The following COL4A4 variants were observed in gnomAD, a reference collection of about 807,000 sequenced individuals.
COL4A4 encodes collagen type IV alpha 4 chain.
COL4A4 carries 105 observed loss-of-function variants against 192.9 expected under a neutral mutation model. The observed-to-expected ratio is 0.54, with a 90% CI of 0.46 to 0.64. The LOEUF is 0.64. Among genes scored for constraint, COL4A4 ranks in the 30% least tolerant of loss-of-function variants. The probability of loss-of-function intolerance (pLI) is 0.00; values close to 1 mark genes in which losing one functional copy is unlikely to be tolerated. For missense variants in COL4A4, 1,967 were observed against 2,169.3 expected, an observed-to-expected ratio of 0.91 and a Z score of 1.85; for synonymous variants, 762 against 769.9, an observed-to-expected ratio of 0.99 and a Z score of 0.17.
chr2:227,129,689 A>C (rs2062311662), intron 4 of COL4A4, among the ~76,000 whole-genome samples: 1 of 152,142 alleles, frequency 6.6e-6, no homozygotes, highest in African/African-American at 2.4e-5. Flanking sequence ...GATTACAGGC[A>C]TGAGCCACTG....
At chr2:227,038,766 C>T (rs1559469384) in intron 37 of COL4A4, among the ~76,000 whole-genome samples, 1 of 152,272 alleles carries the variant, frequency 6.6e-6, no homozygotes, top group Admixed American at 6.5e-5. Flanking sequence ...TAATCAGTCC[C>T]CTTGACTTAG....
chr2:227,003,609 C>T lies in COL4A4; in HGVS notation c.*3716G>A, dbSNP rs568188244. 1.3e-5 allele frequency: 2 copies of T among 152,292 alleles called. No individual in the cohort carries two copies. The highest frequency in any genetic ancestry group is 3.9e-4 in the East Asian group (2 of 5,178). 9.4% of individuals were successfully genotyped at this position (152,292 alleles called of 1,614,324 possible). On this transcript the variant is annotated 3_prime_UTR_variant, in exon 48 of 48. Transcript: ENST00000396625. ...GCTTTACTGTAATCTACACGAGGTT[C>T]AAAATAAGATGATAAAGCCCAATTG... is the stretch of plus-strand genomic sequence containing the variant.
At chr2:227,070,722 G>C (rs1453719978) in intron 25 of COL4A4, among the ~76,000 whole-genome samples, 2 of 130,292 alleles carry the variant, frequency 1.5e-5, no homozygotes, top group Non-Finnish European at 3.3e-5. Flanking sequence ...ACTGTTGTGG[G>C]GTGGGGGGAG....
At chr2:226,999,434 C>T (rs905907905), downstream of COL4A4, among the ~76,000 whole-genome samples, 5 of 152,150 alleles carry the variant, frequency 3.3e-5, no homozygotes, top group Non-Finnish European at 2.9e-5. Context: ...GCTCAAGATT[C>T]CCACACGACC....
chr2:227,058,657 C>T (rs1474984137), intron 28 of COL4A4, among the ~76,000 whole-genome samples: 1 of 152,172 alleles, frequency 6.6e-6, no homozygotes, highest in East Asian at 1.9e-4. Context: ...CTGTGGTTCA[C>T]ATCTTGATCA....
chr2:227,132,791 CA>C (rs76837584), intron 4 of COL4A4, among the ~76,000 whole-genome samples: 3 of 151,604 alleles, frequency 2.0e-5, no homozygotes, highest in Non-Finnish European at 4.4e-5. Context: ...AAAAAATAAA[CA>C]AAAAAAAGAT....
In COL4A4 at chr2:227,012,192, G is replaced by C. The variant is rs192942886; in HGVS notation, c.4322C>G (p.Pro1441Arg). 4.3e-6 allele frequency: 7 copies of C among 1,613,156 alleles called. No homozygotes were observed. Among genetic ancestry groups the C allele is most frequent in the Non-Finnish European group, 5.9e-6 (7 of 1,179,262 alleles). ...RKGDTGEDGY[P>R]GGPGPPGPIG... ...GACTGAAACTCTACCTGGTCCTCCA[G>C]GGTAGCCGTCTTCTCCTGTGTCACC... The change falls in exon 45 of 48, where the codon CCT becomes CGT. Residue 1441 changes from proline (P) to arginine (R), a missense_variant. Pro to Arg is a moderately radical substitution (Grantham distance 103, BLOSUM62 -2). Coordinates refer to ENST00000396625, the MANE Select transcript of COL4A4 (RefSeq NM_000092.5).
chr2:227,020,633 C>T (rs1965816562), intron 44 of COL4A4, among the ~76,000 whole-genome samples: 1 of 151,910 alleles, frequency 6.6e-6, no homozygotes, highest in Admixed American at 6.6e-5. Context: ...TTCCTGTGTC[C>T]CTGAACCAAA....
intron 25 of COL4A4, among the ~76,000 whole-genome samples, chr2:227,066,068 C>T (rs558573384): frequency 6.0e-4 from 91 of 152,170 alleles, no homozygotes; most frequent in African/African-American, 2.0e-3. Flanking sequence ...TCGAGAACTA[C>T]GTGAAGAATG....
chr2:227,007,102 A>T lies in COL4A4; in HGVS notation c.*223T>A. The T allele has an allele frequency of 1.5e-6, 1 of 647,684 alleles. No individual in the cohort carries two copies. Among genetic ancestry groups the T allele is most frequent in the Non-Finnish European group, 2.7e-6 (1 of 364,654 alleles). The allele number at this position is 647,684 out of a possible 1,614,324, so 40.1% of individuals were successfully genotyped here. On this transcript the variant is annotated 3_prime_UTR_variant, in exon 48 of 48. Transcript: ENST00000396625. Reference sequence around the variant, plus strand: ...CTTCGATCATCCTCAGTAAAATAAGAGTATCTAGGCTCCCTAGATTGGGAG... The same window carrying T: ...CTTCGATCATCCTCAGTAAAATAAGTGTATCTAGGCTCCCTAGATTGGGAG...
chr2:227,087,525 A>G (rs1303916955), intron 22 of COL4A4, among the ~76,000 whole-genome samples: 1 of 152,006 alleles, frequency 6.6e-6, no homozygotes, highest in African/African-American at 2.4e-5. Context: ...TCTTTTCCTT[A>G]TATCCTATGT....
In COL4A4 at chr2:227,147,578, T is replaced by C. The variant is rs2063630254; in HGVS notation, c.-95A>G. On this transcript the variant is annotated 5_prime_UTR_variant, in exon 2 of 48. Coordinates refer to ENST00000396625, the MANE Select transcript of COL4A4 (RefSeq NM_000092.5). ...TGAGGTTCTGTGTTCTGGGTCAAAG[T>C]CTGTTCCTGTTAGATATAAATATAT... 6 of 1,017,900 alleles carry C rather than the reference T, an allele frequency of 5.9e-6. No homozygotes were observed. The Admixed American group carries it at 1.0e-4, about 17-fold the overall frequency. The allele number at this position is 1,017,900 out of a possible 1,614,324, so 63.1% of individuals were successfully genotyped here.
At chr2:227,093,164 A>G (rs1362262769) in intron 20 of COL4A4, among the ~76,000 whole-genome samples, 1 of 152,204 alleles carries the variant, frequency 6.6e-6, no homozygotes, top group Non-Finnish European at 1.5e-5. Flanking sequence ...TTTAGCCTCT[A>G]AACTGCCCTT....
intron 19 of COL4A4, among the ~76,000 whole-genome samples, chr2:227,096,520 C>T (rs1209078754): frequency 6.6e-6 from 1 of 152,146 alleles, no homozygotes; most frequent in Non-Finnish European, 1.5e-5. Flanking sequence ...CTCGAACAAT[C>T]CTGCAAAGTT....
chr2:227,145,331 C>T (rs1413621342), intron 2 of COL4A4, among the ~76,000 whole-genome samples: 1 of 152,052 alleles, frequency 6.6e-6, no homozygotes. Context: ...CCTGTAACCC[C>T]AGCTACTCCG....
intron 4 of COL4A4, among the ~76,000 whole-genome samples, chr2:227,138,133 A>AAATAATAATAAT (rs35550127): frequency 0.04 from 5,851 of 147,116 alleles, 148 homozygotes; most frequent in Middle Eastern, 0.056. Flanking sequence ...CCACCTCTAC[A>AAATAATAATAAT]AATAATAATA....
intron 4 of COL4A4, among the ~76,000 whole-genome samples, chr2:227,138,931 T>C (rs927032714): frequency 2.6e-5 from 4 of 152,190 alleles, no homozygotes; most frequent in African/African-American, 7.2e-5. Context: ...CACAGCCCCC[T>C]ACAATTGACT....
the COL4A4 span, among the ~76,000 whole-genome samples, chr2:226,990,565 G>A: frequency 1.1e-4 from 17 of 152,220 alleles, no homozygotes; most frequent in African/African-American, 2.6e-4. Context: ...GATGGCGAAC[G>A]GTAGGGAAAA....
At chr2:227,028,080 A>G in intron 41 of COL4A4, 71 bp from the exon 42 acceptor site, 1 of 1,081,988 alleles carries the variant, frequency 9.2e-7, no homozygotes, top group Non-Finnish European at 1.4e-6. Flanking sequence ...ACAGTTTGAT[A>G]GACTGAATTC....
Sources: allele counts gnomAD v4.1 joint callset (sites outside exome capture counted in the v4.1 genomes callset), GRCh38; gene constraint gnomAD v4.1.1; transcripts MANE v1.5; gene names NCBI Gene and HGNC (gene_info 2026-07-23, HGNC 2026-07-21).